IGF1: variants seen among roughly 807,000 people sequenced by gnomAD.
IGF1 encodes the protein insulin-like growth factor 1.
In IGF1, 4 loss-of-function variants were observed where a neutral mutation model predicts 13.8. That is an observed-to-expected ratio of 0.29 (90% CI 0.14 to 0.66). The LOEUF (loss-of-function observed/expected upper bound fraction) is 0.66. Ranked by LOEUF, IGF1 falls within the 30% of genes least tolerant of loss-of-function variation. The probability of loss-of-function intolerance (pLI) is 0.78; values close to 1 mark genes in which losing one functional copy is unlikely to be tolerated. For missense variants in IGF1, 124 were observed against 188.5 expected, an observed-to-expected ratio of 0.66 and a Z score of 2.00; for synonymous variants, 76 against 72.6, an observed-to-expected ratio of 1.05 and a Z score of -0.23.
chr12:102,459,540 GT>G (rs1244287841), intron 2 of IGF1, among the ~76,000 whole-genome samples: 1 of 152,026 alleles, frequency 6.6e-6, no homozygotes, highest in Non-Finnish European at 1.5e-5. Context: ...GCTACAGCTT[GT>G]TTTGTCTGAA....
At chr12:102,430,533 T>A (rs1183548286) in intron 2 of IGF1, among the ~76,000 whole-genome samples, 1 of 152,172 alleles carries the variant, frequency 6.6e-6, no homozygotes, top group Non-Finnish European at 1.5e-5. Flanking sequence ...GGAGTTCTGA[T>A]GAGAGAATGT....
intron 2 of IGF1, among the ~76,000 whole-genome samples, chr12:102,460,251 G>A (rs981188768): frequency 2.6e-5 from 4 of 152,172 alleles, no homozygotes; most frequent in Non-Finnish European, 5.9e-5. Flanking sequence ...CAGGTGGGGT[G>A]GGAGTGGAAA....
chr12:102,475,026 A>G (rs1448423275), intron 2 of IGF1, among the ~76,000 whole-genome samples: 1 of 152,196 alleles, frequency 6.6e-6, no homozygotes, highest in African/African-American at 2.4e-5. Context: ...AACAACAAAA[A>G]AATCAAGGTC....
At chr12:102,404,849 C>T (rs1874002397) in intron 3 of IGF1, among the ~76,000 whole-genome samples, 1 of 151,322 alleles carries the variant, frequency 6.6e-6, no homozygotes, top group Admixed American at 6.6e-5. Context: ...CCTCTGCCTC[C>T]CGGGTTCAAG....
rs1555244052 is a variant in IGF1 at position 102,441,915 on chromosome 12, C to CTTCTTCTTCTTCTTCTTCTT, written c.221-22226_221-22225insAAGAAGAAGAAGAAGAAGAA. Among the ~76,000 whole-genome samples, 630 of 122,104 alleles carry CTTCTTCTTCTTCTTCTTCTT rather than the reference C, an allele frequency of 5.2e-3. 24 individuals are homozygous for CTTCTTCTTCTTCTTCTTCTT. Among genetic ancestry groups the CTTCTTCTTCTTCTTCTTCTT allele is most frequent in the East Asian group, 0.021 (84 of 3,962 alleles). 80.1% of individuals were successfully genotyped at this position (122,104 alleles called of 152,430 possible). On this transcript the variant is annotated intron_variant, in intron 2 of 3. Coordinates refer to ENST00000337514, the MANE Select transcript of IGF1 (RefSeq NM_000618.5). ...GTCATTCTATTACACTGCTTCTTCT[C>CTTCTTCTTCTTCTTCTTCTT]CTTCTTCTTCTTCTTCTTCTTCTTC...
intron 2 of IGF1, among the ~76,000 whole-genome samples, chr12:102,457,518 T>C (rs1879519358): frequency 6.6e-6 from 1 of 152,160 alleles, no homozygotes; most frequent in South Asian, 2.1e-4. Context: ...ATTTCTGGCC[T>C]CTCTCAGTCT....
chr12:102,412,669 C>T (rs1874749175), intron 3 of IGF1, among the ~76,000 whole-genome samples: 1 of 152,122 alleles, frequency 6.6e-6, no homozygotes. Flanking sequence ...GCTCCTGTTA[C>T]TCATCTAACA....
chr12:102,464,550 G>A (rs1451821414), intron 2 of IGF1, among the ~76,000 whole-genome samples: 2 of 151,032 alleles, frequency 1.3e-5, no homozygotes, highest in Non-Finnish European at 2.9e-5. Context: ...TAGAGAGAAT[G>A]AAAATTTACA....
chr12:102,447,750 A>T (rs1878485335), intron 2 of IGF1, among the ~76,000 whole-genome samples: 4 of 152,146 alleles, frequency 2.6e-5, no homozygotes, highest in Admixed American at 2.6e-4. Context: ...CCGCTTCCTT[A>T]CATCTTATAC....
rs1177626545 is a variant in IGF1 at position 102,402,408 on chromosome 12, C to T, written c.*99G>A. On this transcript the variant is annotated 3_prime_UTR_variant, in exon 4 of 4. Coordinates refer to ENST00000337514, the MANE Select transcript of IGF1 (RefSeq NM_000618.5). ...CGCCCATCTTTTAAATGTTATCAAA[C>T]TTATTTTTTGGTAGGTGTTCCAAAG... is the stretch of plus-strand genomic sequence containing the variant. 6.4e-6 allele frequency: 5 copies of T among 777,632 alleles called. No homozygotes were observed. The East Asian group carries it at 9.7e-5, about 15-fold the overall frequency. 48.2% of individuals were successfully genotyped at this position (777,632 alleles called of 1,614,324 possible).
At position 102,400,145 on chromosome 12, in the gene IGF1, T is replaced by C. The variant is rs886048884; in HGVS notation, c.*2362A>G. 3.3e-4 allele frequency: 50 copies of C among 150,858 alleles called. No individual in the cohort carries two copies. The highest frequency in any genetic ancestry group is 1.1e-3 in the South Asian group (5 of 4,760). 9.3% of individuals were successfully genotyped at this position (150,858 alleles called of 1,614,324 possible). On this transcript the variant is annotated 3_prime_UTR_variant, in exon 4 of 4. Transcript: ENST00000337514. ...ATCCAGGGAGTCTTTTTTTTTTTTT[T>C]CCTGGCCTCTGATCCTTGAGGTGAC... is the stretch of plus-strand genomic sequence containing the variant.
intron 2 of IGF1, among the ~76,000 whole-genome samples, chr12:102,464,297 G>A (rs565143228): frequency 7.0e-6 from 1 of 143,506 alleles, no homozygotes; most frequent in East Asian, 2.0e-4. Flanking sequence ...GACATCTCAA[G>A]TAGACTTGTT....
intron 3 of IGF1, among the ~76,000 whole-genome samples, chr12:102,417,187 C>A (rs567480645): frequency 6.8e-6 from 1 of 147,814 alleles, no homozygotes; most frequent in Non-Finnish European, 1.5e-5. Flanking sequence ...ACTTATACAT[C>A]TTTTATATCT....
At chr12:102,434,617 CAT>C (rs1337039473) in intron 2 of IGF1, among the ~76,000 whole-genome samples, 1 of 151,606 alleles carries the variant, frequency 6.6e-6, no homozygotes, top group Non-Finnish European at 1.5e-5. Context: ...CATACGTGTG[CAT>C]GTGTCTTTAT....
At position 102,399,106 on chromosome 12, in the gene IGF1, A is replaced by AGT. The variant is rs1555235481; in HGVS notation, c.*3400_*3401insAC. 3.4e-5 allele frequency: 3 copies of AGT among 87,660 alleles called. No homozygotes were observed. Among genetic ancestry groups the AGT allele is most frequent in the Non-Finnish European group, 4.8e-5 (2 of 41,272 alleles). The allele number at this position is 87,660 out of a possible 1,614,324, so 5.4% of individuals were successfully genotyped here. On this transcript the variant is annotated 3_prime_UTR_variant, in exon 4 of 4. Transcript: ENST00000337514. ...AGTATTCCATTGGATCCTTAGGGTG[A>AGT]ATGTGTGTGTGTGTGTGTGTGTGTG...
rs1161088646 is a variant in IGF1, at chr12:102,428,250, G to GTA, written c.221-8561_221-8560insTA. ...ATCAATAATGTGTATATATATATATGGCATATTAATGTTTCTAGCTAATAA... is the reference window on the plus strand; with the variant it reads ...ATCAATAATGTGTATATATATATATGTAGCATATTAATGTTTCTAGCTAATAA... On this transcript the variant is annotated intron_variant, in intron 2 of 3. Coordinates refer to ENST00000337514, the MANE Select transcript of IGF1 (RefSeq NM_000618.5). Among the ~76,000 whole-genome samples the GTA allele has an allele frequency of 4.6e-3, 159 of 34,234 alleles. 9 individuals carry two copies. The highest frequency in any genetic ancestry group is 0.029 in the East Asian group (52 of 1,816). 22.5% of individuals were successfully genotyped at this position (34,234 alleles called of 152,430 possible).
At chr12:102,420,688 A>G (rs184366508) in intron 2 of IGF1, among the ~76,000 whole-genome samples, 1 of 152,288 alleles carries the variant, frequency 6.6e-6, no homozygotes, top group East Asian at 1.9e-4. Context: ...CCAAACTGAA[A>G]CAGTGAACGA....
At chr12:102,453,950 T>G (rs1879168539) in intron 2 of IGF1, among the ~76,000 whole-genome samples, 1 of 152,220 alleles carries the variant, frequency 6.6e-6, no homozygotes, top group African/African-American at 2.4e-5. Flanking sequence ...AGTTAATACA[T>G]GTAAGTGCTT....
At chr12:102,469,184 G>A (rs1016320456) in intron 2 of IGF1, among the ~76,000 whole-genome samples, 15 of 152,132 alleles carry the variant, frequency 9.9e-5, no homozygotes, top group African/African-American at 3.6e-4. Context: ...CCTTTATTTT[G>A]GGGAAGTTTC....
Sources: gnomAD v4.1 joint callset for allele counts (sites outside exome capture counted in the v4.1 genomes callset) on GRCh38, gnomAD v4.1.1 for gene constraint, MANE v1.5 for transcripts, NCBI Gene and HGNC (gene_info 2026-07-23, HGNC 2026-07-21) for gene names.